The following SAXO1 variants were observed in gnomAD, a reference collection of about 807,000 sequenced individuals.
SAXO1 encodes the protein 4930500O09Rik.
Under a neutral mutation model 17.5 loss-of-function variants are expected in SAXO1, and 21 were observed. The ratio of observed to expected loss-of-function variants is 1.20; its 90% confidence interval spans 0.85 to 1.72. The LOEUF is 1.72. Ranked by LOEUF, SAXO1 falls within the 40% of genes most tolerant of loss-of-function variation. The pLI, the probability that SAXO1 is intolerant of heterozygous loss-of-function variation, is 0.00. For synonymous variants in SAXO1, 274 were observed against 216.5 expected (o/e 1.27, Z -2.33); for missense variants, 843 against 596.0 (o/e 1.41, Z -4.32).
chr9:19,037,023 C>CA (rs1372132555), upstream of SAXO1, among the ~76,000 whole-genome samples: 1 of 152,166 alleles, frequency 6.6e-6, no homozygotes, highest in Non-Finnish European at 1.5e-5. Flanking sequence ...GACATGGAGT[C>CA]AAAGGAGATC....
In SAXO1 at chr9:19,032,872, C is replaced by G. The variant is rs781780685; in HGVS notation, c.37G>C (p.Gly13Arg). Residue 13 changes from glycine (G) to arginine (R), a missense_variant and splice_region_variant, in exon 1 of 4, where the codon GGG (glycine) becomes CGG (arginine). Gly to Arg is a moderately radical substitution (Grantham distance 125). Transcript: ENST00000380534. ...TKCICELCSC[G>R]RHHCPHLPTK... ...TTGCCCTGGGCGTGGCCACCTTACC[C>G]GCAGGAGCACAGTTCACAGATGCAC... The G allele has an allele frequency of 6.2e-7, 1 of 1,610,398 alleles. No individual in the cohort carries two copies. The highest frequency in any genetic ancestry group is 8.5e-7 in the Non-Finnish European group (1 of 1,179,638).
chr9:19,023,571 C>T (rs953409704), intron 1 of SAXO1, among the ~76,000 whole-genome samples: 3 of 152,110 alleles, frequency 2.0e-5, no homozygotes, highest in African/African-American at 7.2e-5. Context: ...CCACAGTCTG[C>T]GCTTGGAACT....
chr9:18,939,126 T>C (rs1378923727), intron 3 of SAXO1, among the ~76,000 whole-genome samples: 1 of 152,004 alleles, frequency 6.6e-6, no homozygotes, highest in Non-Finnish European at 1.5e-5. Flanking sequence ...GAGTCCGCCA[T>C]CGGATATGCC....
At chr9:19,009,396 G>C (rs964699304) in intron 1 of SAXO1, among the ~76,000 whole-genome samples, 6 of 152,130 alleles carry the variant, frequency 3.9e-5, no homozygotes, top group Non-Finnish European at 1.5e-5. Context: ...TGCAGCTCCA[G>C]TTGAAACTAA....
At chr9:18,947,393 A>G (rs1831844017) in intron 2 of SAXO1, among the ~76,000 whole-genome samples, 1 of 151,726 alleles carries the variant, frequency 6.6e-6, no homozygotes, top group African/African-American at 2.4e-5. Flanking sequence ...AATAAGTGAT[A>G]GAGTCGATGC....
intron 1 of SAXO1, among the ~76,000 whole-genome samples, chr9:19,019,627 G>A (rs1169357079): frequency 6.6e-6 from 1 of 152,050 alleles, no homozygotes; most frequent in Non-Finnish European, 1.5e-5. Flanking sequence ...TACTCGAGGG[G>A]CTAAGGCAGG....
chr9:18,929,117 T>G (rs1830923953), intron 3 of SAXO1, 62 bp from the exon 4 acceptor site: 2 of 1,564,822 alleles, frequency 1.3e-6, no homozygotes, highest in African/African-American at 2.7e-5. Flanking sequence ...GCATATATTC[T>G]ACAGAGCCCC....
At chr9:19,037,085 G>A (rs548395553), upstream of SAXO1, among the ~76,000 whole-genome samples, 1 of 152,160 alleles carries the variant, frequency 6.6e-6, no homozygotes, top group Admixed American at 6.5e-5. Context: ...ACTTGCATGG[G>A]GACTGTAACC....
chr9:19,044,858 G>A lies in SAXO1; in HGVS notation c.-158+4351C>T, dbSNP rs1406225527. Among the ~76,000 whole-genome samples the A allele has an allele frequency of 2.0e-5, 3 of 151,440 alleles. No homozygotes were observed. In the East Asian group the frequency reaches 5.9e-4, roughly 30 times the overall value. The stretch of plus-strand genomic sequence containing the variant: ...AGCCCGGGTGAGAGTGCGAGACTCC[G>A]TTTCAAAAAAAAACGAAAGCTGAAT... On this transcript the variant is annotated intron_variant, in intron 1 of 3. Transcript: ENST00000542071.
At chr9:18,977,521 AG>A (rs1361761998) in intron 1 of SAXO1, among the ~76,000 whole-genome samples, 1 of 152,216 alleles carries the variant, frequency 6.6e-6, no homozygotes, top group Non-Finnish European at 1.5e-5. Flanking sequence ...ATAGCTGATA[AG>A]GGGTGGAATA....
intron 1 of SAXO1, among the ~76,000 whole-genome samples, chr9:18,953,293 A>G (rs918406331): frequency 6.6e-6 from 1 of 152,212 alleles, no homozygotes; most frequent in Non-Finnish European, 1.5e-5. Flanking sequence ...AACTGGTAAA[A>G]CTACTTTCAT....
At chr9:18,938,848 G>C (rs191692561) in intron 3 of SAXO1, among the ~76,000 whole-genome samples, 1 of 151,666 alleles carries the variant, frequency 6.6e-6, no homozygotes, top group Non-Finnish European at 1.5e-5. Context: ...GTGTGTGTGT[G>C]TGTGTATGTG....
chr9:18,940,964 G>T (rs999027099), intron 3 of SAXO1, among the ~76,000 whole-genome samples: 2 of 152,184 alleles, frequency 1.3e-5, no homozygotes, highest in Non-Finnish European at 2.9e-5. Context: ...TTCTCATTGG[G>T]GAGGGTAACA....
chr9:18,979,426 T>A (rs1833280587), intron 1 of SAXO1, among the ~76,000 whole-genome samples: 1 of 152,204 alleles, frequency 6.6e-6, no homozygotes, highest in Admixed American at 6.5e-5. Context: ...ATTTTACACC[T>A]CAGTCATGAC....
At chr9:19,022,233 GAT>G (rs1835269907) in intron 1 of SAXO1, among the ~76,000 whole-genome samples, 1 of 152,198 alleles carries the variant, frequency 6.6e-6, no homozygotes, top group South Asian at 2.1e-4. Context: ...AAGTCAGAGA[GAT>G]CACCAACCCA....
chr9:19,027,342 G>T, intron 1 of SAXO1: 1 of 788,740 alleles, frequency 1.3e-6, no homozygotes, highest in South Asian at 1.3e-5. Flanking sequence ...ACTGCCCAGA[G>T]TACGACTCGC....
intron 1 of SAXO1, among the ~76,000 whole-genome samples, chr9:19,046,921 G>C (rs990318188): frequency 6.6e-6 from 1 of 151,586 alleles, no homozygotes; most frequent in African/African-American, 2.4e-5. Context: ...GCGCAGTGGC[G>C]CATGCCTGTA....
At position 18,992,357 on chromosome 9, in the gene SAXO1, G is replaced by A. The variant is rs922245353; in HGVS notation, c.38+40514C>T. Among the ~76,000 whole-genome samples the A allele has an allele frequency of 3.3e-5, 5 of 152,188 alleles. 1 individual carries two copies. Among genetic ancestry groups the A allele is most frequent in the Admixed American group, 2.6e-4 (4 of 15,280 alleles). On this transcript the variant is annotated intron_variant, in intron 1 of 3. Coordinates refer to ENST00000380534, the MANE Select transcript of SAXO1 (RefSeq NM_153707.4). Reference sequence around the variant, plus strand: ...TTGGCTTGTAGCTGGGATTCTCCCTGTGTCTTCACATTGTCTTCCCTCTGT... The same window carrying A: ...TTGGCTTGTAGCTGGGATTCTCCCTATGTCTTCACATTGTCTTCCCTCTGT...
At chr9:19,006,078 A>G (rs1834471400) in intron 1 of SAXO1, among the ~76,000 whole-genome samples, 1 of 152,140 alleles carries the variant, frequency 6.6e-6, no homozygotes, top group Non-Finnish European at 1.5e-5. Flanking sequence ...ATCAAATACC[A>G]CTTCACAACC....
Sources: gnomAD v4.1 joint callset for allele counts (sites outside exome capture counted in the v4.1 genomes callset) on GRCh38, gnomAD v4.1.1 for gene constraint, MANE v1.5 for transcripts, NCBI Gene and HGNC (gene_info 2026-07-23, HGNC 2026-07-21) for gene names.